The following H3-3A variants were observed in gnomAD, a reference collection of about 807,000 sequenced individuals.
H3-3A encodes H3.3 histone A.
For missense variants in H3-3A, 7 were observed against 184.0 expected, an observed-to-expected ratio of 0.04 and a Z score of 5.57; for synonymous variants, 49 against 61.4, an observed-to-expected ratio of 0.80 and a Z score of 0.95.
At chr1:226,064,233 C>T (rs1042455996) in intron 1 of H3-3A, 96 bp from the exon 2 acceptor site, 1 of 824,342 alleles carries the variant, frequency 1.2e-6, no homozygotes, top group African/African-American at 1.7e-5. Context: ...TTATACTGAT[C>T]ATAATTTCCA....
chr1:226,067,708 C>T (rs902482692), intron 3 of H3-3A, among the ~76,000 whole-genome samples: 4 of 150,262 alleles, frequency 2.7e-5, no homozygotes, highest in Non-Finnish European at 2.9e-5. Flanking sequence ...CGCCATTGCA[C>T]TCCAGCCTGG....
At chr1:226,063,639 A>G (rs942128283) in intron 1 of H3-3A, among the ~76,000 whole-genome samples, 2 of 152,142 alleles carry the variant, frequency 1.3e-5, no homozygotes, top group Admixed American at 1.3e-4. Flanking sequence ...AGGCAAAACC[A>G]AAAGTTTATG....
chr1:226,070,495 C>CG lies in H3-3A; in HGVS notation c.283-853dup, dbSNP rs59945867. Among the ~76,000 whole-genome samples, 8 of 150,232 alleles carry CG rather than the reference C, an allele frequency of 5.3e-5. No individual in the cohort carries two copies. In the East Asian group the frequency reaches 1.6e-3, roughly 30 times the overall value. ...TCAAAATAAATAAATAAGGAACTGC[C>CG]GGGCGCGGTGGCTCACGCCTATAAT... On this transcript the variant is annotated intron_variant, in intron 3 of 3. Coordinates refer to ENST00000366815, the MANE Select transcript of H3-3A (RefSeq NM_002107.7).
At chr1:226,068,885 T>C (rs1658006855) in intron 3 of H3-3A, among the ~76,000 whole-genome samples, 1 of 152,170 alleles carries the variant, frequency 6.6e-6, no homozygotes, top group Admixed American at 6.5e-5. Context: ...TTCTCCTTCA[T>C]GGAATAGTCT....
In H3-3A at chr1:226,065,641, A is replaced by G; in HGVS notation, c.129-15A>G. The G allele has an allele frequency of 6.6e-7, 1 of 1,525,758 alleles. No individual in the cohort carries two copies. Among genetic ancestry groups the G allele is most frequent in the Non-Finnish European group, 8.8e-7 (1 of 1,130,650 alleles). The allele number at this position is 1,525,758 out of a possible 1,614,324, so 94.5% of individuals were successfully genotyped here. On this transcript the variant is annotated splice_polypyrimidine_tract_variant and intron_variant, in intron 2 of 3. Coordinates refer to ENST00000366815, the MANE Select transcript of H3-3A (RefSeq NM_002107.7). Reference sequence around the variant, plus strand: ...TTATGTTTTTGGTAACAGTTTCTTTATTAATTTTTTAAAGGCCTGGTACTG... The same window carrying G: ...TTATGTTTTTGGTAACAGTTTCTTTGTTAATTTTTTAAAGGCCTGGTACTG...
intron 1 of H3-3A, chr1:226,064,086 G>T: frequency 3.3e-6 from 1 of 299,320 alleles, no homozygotes; most frequent in Non-Finnish European, 6.4e-6. Flanking sequence ...TTTGCCGTTT[G>T]TCGCTCAGAA....
intron 1 of H3-3A, 74 bp from the exon 2 acceptor site, chr1:226,064,255 G>T (rs757555045): frequency 8.2e-5 from 83 of 1,006,466 alleles, no homozygotes; most frequent in Non-Finnish European, 1.2e-4. Flanking sequence ...ATTTGGGGAG[G>T]GGGTGATCGT....
At chr1:226,062,477 G>C (rs1657744384), upstream of H3-3A, among the ~76,000 whole-genome samples, 1 of 149,504 alleles carries the variant, frequency 6.7e-6, no homozygotes. Flanking sequence ...CGGCCCCTCA[G>C]CGTGTCTTTT....
At chr1:226,066,120 A>G (rs1165838317) in intron 3 of H3-3A, 1 of 467,742 alleles carries the variant, frequency 2.1e-6, no homozygotes. Context: ...TGGATGCTGC[A>G]GGACATTAAG....
chr1:226,070,786 G>GAAAGAA (rs1553261226), intron 3 of H3-3A, among the ~76,000 whole-genome samples: 1 of 81,510 alleles, frequency 1.2e-5, no homozygotes, highest in Admixed American at 1.5e-4. Context: ...AAGAAAGAAA[G>GAAAGAA]AAATACGGAA....
At chr1:226,063,618 G>A (rs533140932) in intron 1 of H3-3A, among the ~76,000 whole-genome samples, 1 of 152,268 alleles carries the variant, frequency 6.6e-6, no homozygotes, top group South Asian at 2.1e-4. Flanking sequence ...CTGTGCCGAG[G>A]GACCCGAAGG....
intron 1 of H3-3A, among the ~76,000 whole-genome samples, 184 bp downstream of exon 1, chr1:226,062,995 G>A (rs936293629): frequency 1.3e-5 from 2 of 151,700 alleles, no homozygotes; most frequent in Non-Finnish European, 2.9e-5. Context: ...CGGCTCCCCC[G>A]TCTCTCGCCG....
chr1:226,071,270 C>G, intron 3 of H3-3A, 81 bp from the exon 4 acceptor site: 1 of 1,167,946 alleles, frequency 8.6e-7, no homozygotes. Flanking sequence ...GTTCAAAAAC[C>G]TTTTTGTTTT....
At chr1:226,067,763 CAGAG>C (rs1657976446) in intron 3 of H3-3A, among the ~76,000 whole-genome samples, 1 of 150,424 alleles carries the variant, frequency 6.6e-6, no homozygotes, top group African/African-American at 2.4e-5. Flanking sequence ...AAAAAGATAA[CAGAG>C]GGAGAATTTG....
chr1:226,064,304 AT>A (rs764536658), intron 1 of H3-3A, 24 bp from the exon 2 acceptor site: 39 of 1,584,516 alleles, frequency 2.5e-5, no homozygotes, highest in Non-Finnish European at 2.8e-5. Flanking sequence ...GCATATGGTG[AT>A]TTTTGATTTT....
At chr1:226,062,603 CGA>C (rs988624295), upstream of H3-3A, 4 of 134,746 alleles carry the variant, frequency 3.0e-5, no homozygotes, top group African/African-American at 1.2e-4. Context: ...GGGCGGGGCG[CGA>C]GAGGAGCTAT....
At chr1:226,067,076 T>A (rs1437861210) in intron 3 of H3-3A, 1 of 152,220 alleles carries the variant, frequency 6.6e-6, no homozygotes, top group Non-Finnish European at 1.5e-5. Flanking sequence ...GAAATGTTAC[T>A]AAGATTCGTA....
intron 3 of H3-3A, 142 bp from the exon 4 acceptor site, chr1:226,071,209 G>GTAA: frequency 1.6e-6 from 1 of 628,964 alleles, no homozygotes; most frequent in East Asian, 2.9e-5. Flanking sequence ...GTTGTAAAAT[G>GTAA]TAAGCATTTG....
In H3-3A at chr1:226,064,492, A is replaced by G; in HGVS notation, c.128+13A>G. The G allele has an allele frequency of 1.2e-6, 2 of 1,606,766 alleles. No homozygotes were observed. Among genetic ancestry groups the G allele is most frequent in the Non-Finnish European group, 1.7e-6 (2 of 1,174,908 alleles). ...CTCATCGTTACAGGTATTAAAAAAC[A>G]GGAAAAAAATGGGACAAAGTCTCTC... is the stretch of plus-strand genomic sequence containing the variant. On this transcript the variant is annotated intron_variant, in intron 2 of 3. Coordinates refer to ENST00000366815, the MANE Select transcript of H3-3A (RefSeq NM_002107.7).
Sources: gnomAD v4.1 joint callset for allele counts (sites outside exome capture counted in the v4.1 genomes callset) on GRCh38, gnomAD v4.1.1 for gene constraint, MANE v1.5 for transcripts, NCBI Gene and HGNC (gene_info 2026-07-23, HGNC 2026-07-21) for gene names.